Variants in UBE2D1 observed in about 807,000 individuals in gnomAD.
UBE2D1 encodes ubiquitin-conjugating enzyme E2 D1.
In UBE2D1, 9 loss-of-function variants were observed where a neutral mutation model predicts 24.6. The ratio of observed to expected loss-of-function variants is 0.37; its 90% confidence interval spans 0.22 to 0.64. The LOEUF (loss-of-function observed/expected upper bound fraction) is 0.64. Ranked by LOEUF, UBE2D1 falls within the 30% of genes least tolerant of loss-of-function variation. UBE2D1 has a pLI of 0.64. For missense variants in UBE2D1, 87 were observed against 177.1 expected, an observed-to-expected ratio of 0.49 and a Z score of 2.89; for synonymous variants, 57 against 57.6, an observed-to-expected ratio of 0.99 and a Z score of 0.04.
chr10:58,354,928 A>AT (rs556838695), intron 1 of UBE2D1, among the ~76,000 whole-genome samples: 92 of 152,284 alleles, frequency 6.0e-4, no homozygotes, highest in Middle Eastern at 3.4e-3. Context: ...CATAAATAAC[A>AT]TTTTTTTGTG....
At chr10:58,349,143 T>C (rs1840046182) in intron 1 of UBE2D1, among the ~76,000 whole-genome samples, 1 of 152,252 alleles carries the variant, frequency 6.6e-6, no homozygotes, top group South Asian at 2.1e-4. Context: ...TGTGGCTTTA[T>C]TGTAAGTGCT....
rs1469859805 is a variant in UBE2D1 at position 58,354,472 on chromosome 10, T to G, written c.25-6866T>G. ...TGCCACTGAACAAATTAACCTTTAATATTATTAAGTATTGTAGAATCCAAA... is the reference window on the plus strand; with the variant it reads ...TGCCACTGAACAAATTAACCTTTAAGATTATTAAGTATTGTAGAATCCAAA... On this transcript the variant is annotated intron_variant, in intron 1 of 6. Coordinates refer to ENST00000373910, the MANE Select transcript of UBE2D1 (RefSeq NM_003338.5). 2.0e-5 allele frequency among the ~76,000 whole-genome samples: 3 copies of G among 152,094 alleles called. No individual in the cohort carries two copies. The East Asian group carries it at 5.8e-4, about 29-fold the overall frequency.
intron 1 of UBE2D1, among the ~76,000 whole-genome samples, chr10:58,360,064 C>G (rs566662847): frequency 3.9e-5 from 6 of 152,320 alleles, no homozygotes; most frequent in East Asian, 1.9e-4. Context: ...TCCCTCACCC[C>G]CTACCTAATG....
chr10:58,340,908 G>C (rs112531986), intron 1 of UBE2D1, among the ~76,000 whole-genome samples: 4 of 152,124 alleles, frequency 2.6e-5, no homozygotes, highest in Non-Finnish European at 5.9e-5. Context: ...ATGGGTTTAT[G>C]GGATATAAGT....
At chr10:58,339,161 G>A (rs1318819617) in intron 1 of UBE2D1, among the ~76,000 whole-genome samples, 3 of 152,028 alleles carry the variant, frequency 2.0e-5, no homozygotes, top group Non-Finnish European at 2.9e-5. Context: ...GCTGGAATGC[G>A]GTGGCACAAT....
chr10:58,349,053 C>T (rs975582895), intron 1 of UBE2D1, among the ~76,000 whole-genome samples: 2 of 152,036 alleles, frequency 1.3e-5, no homozygotes, highest in Non-Finnish European at 2.9e-5. Context: ...TTCTTTGTGT[C>T]TCGTTGTTTA....
chr10:58,361,371 C>T lies in UBE2D1; in HGVS notation c.58C>T (p.His20Tyr), dbSNP rs1294981893. The T allele has an allele frequency of 6.2e-7, 1 of 1,614,056 alleles. No individual in the cohort carries two copies. ...LSDLQRDPPA[H>Y]CSAGPVGDDL... ...TGATCTACAGCGCGATCCACCTGCT[C>T]ACTGTTCAGCTGGACCTGTGGGAGA... Residue 20 changes from histidine to tyrosine, a missense_variant, in exon 2 of 7, where the codon CAC becomes TAC. By Grantham distance (83) the His-to-Tyr change is moderately conservative. Transcript: ENST00000373910.
At chr10:58,338,039 G>T (rs981116311) in intron 1 of UBE2D1, among the ~76,000 whole-genome samples, 1 of 152,012 alleles carries the variant, frequency 6.6e-6, no homozygotes, top group Admixed American at 6.6e-5. Flanking sequence ...TAGAGATGGG[G>T]TTTCACCGTG....
At chr10:58,338,099 G>A (rs1241114425) in intron 1 of UBE2D1, among the ~76,000 whole-genome samples, 3 of 151,956 alleles carry the variant, frequency 2.0e-5, no homozygotes, top group African/African-American at 7.3e-5. Context: ...CACCTACCTC[G>A]GCCTCCCAAG....
intron 5 of UBE2D1, among the ~76,000 whole-genome samples, chr10:58,365,758 C>G (rs1426029222): frequency 6.6e-6 from 1 of 152,184 alleles, no homozygotes; most frequent in African/African-American, 2.4e-5. Context: ...TGCACTGAAG[C>G]AACCATCAAG....
chr10:58,335,264 G>A (rs1564556209), intron 1 of UBE2D1, 39 bp downstream of exon 1: 6 of 1,500,770 alleles, frequency 4.0e-6, no homozygotes, highest in Admixed American at 2.2e-5. Context: ...CGGGGCAGCG[G>A]CCCCCTGCCC....
chr10:58,356,222 A>G (rs893299295), intron 1 of UBE2D1, among the ~76,000 whole-genome samples: 1 of 152,178 alleles, frequency 6.6e-6, no homozygotes, highest in Non-Finnish European at 1.5e-5. Context: ...ATAAAGAAGT[A>G]GCAACCCAGT....
intron 1 of UBE2D1, among the ~76,000 whole-genome samples, chr10:58,360,331 G>A (rs2132329284): frequency 6.6e-6 from 1 of 152,074 alleles, no homozygotes; most frequent in South Asian, 2.1e-4. Flanking sequence ...TTTCTTCTTT[G>A]GGATGATCAG....
chr10:58,359,392 A>G (rs1840169794), intron 1 of UBE2D1, among the ~76,000 whole-genome samples: 2 of 152,228 alleles, frequency 1.3e-5, no homozygotes, highest in Non-Finnish European at 2.9e-5. Flanking sequence ...TTAAGTGCAT[A>G]TTTATTTTTG....
intron 1 of UBE2D1, among the ~76,000 whole-genome samples, chr10:58,337,607 C>A (rs897900581): frequency 1.3e-5 from 2 of 152,066 alleles, no homozygotes; most frequent in Non-Finnish European, 2.9e-5. Context: ...TTGTGTGGAA[C>A]CTCAGATAAG....
Position 58,335,124 on chromosome 10 carries a change from C to G in UBE2D1, c.-78C>G. The G allele has an allele frequency of 6.8e-7, 1 of 1,480,168 alleles. No individual in the cohort carries two copies. Among genetic ancestry groups the G allele is most frequent in the African/African-American group, 1.4e-5 (1 of 69,750 alleles). 91.7% of individuals were successfully genotyped at this position (1,480,168 alleles called of 1,614,324 possible). A position where few individuals can be genotyped will look rare whatever the true frequency, so the allele number is the denominator to read the frequency against. ...GGAGCCAGCCTAGCTGCCAGCGAGCCCAACCCGCGACGACCCACGCCCCTG... is the reference window on the plus strand; with the variant it reads ...GGAGCCAGCCTAGCTGCCAGCGAGCGCAACCCGCGACGACCCACGCCCCTG... On this transcript the variant is annotated 5_prime_UTR_variant, in exon 1 of 7. Transcript: ENST00000373910.
intron 6 of UBE2D1, chr10:58,368,302 A>C (rs58388034): frequency 3.4e-6 from 1 of 292,506 alleles, no homozygotes; most frequent in Middle Eastern, 1.0e-3. Flanking sequence ...ATCATTGGAA[A>C]GTATTAAATA....
At chr10:58,349,593 A>G (rs1403925340) in intron 1 of UBE2D1, among the ~76,000 whole-genome samples, 2 of 152,208 alleles carry the variant, frequency 1.3e-5, no homozygotes, top group African/African-American at 4.8e-5. Context: ...TATGAATTCT[A>G]TAGATCCTTG....
intron 1 of UBE2D1, among the ~76,000 whole-genome samples, chr10:58,356,131 G>A (rs1211550172): frequency 6.6e-6 from 1 of 151,700 alleles, no homozygotes; most frequent in Non-Finnish European, 1.5e-5. Context: ...CTTTTAAAAT[G>A]CTTAAGAACC....
Sources: allele counts gnomAD v4.1 joint callset (sites outside exome capture counted in the v4.1 genomes callset), GRCh38; gene constraint gnomAD v4.1.1; transcripts MANE v1.5; gene names NCBI Gene and HGNC (gene_info 2026-07-23, HGNC 2026-07-21).